Variants in SNPH observed in about 807,000 individuals in gnomAD.
SNPH encodes syntaphilin.
A neutral mutation model predicts 36.8 loss-of-function variants in SNPH; 10 were observed. That is an observed-to-expected ratio of 0.27 (90% CI 0.17 to 0.46). The LOEUF is 0.46. Among genes scored for constraint, SNPH ranks in the 20% least tolerant of loss-of-function variants. SNPH has a pLI of 1.00. For synonymous variants in SNPH, 281 were observed against 312.2 expected (o/e 0.90, Z 1.05); for missense variants, 622 against 744.0 (o/e 0.84, Z 1.91).
At chr20:1,290,901 A>G (rs1323134) in intron 2 of SNPH, among the ~76,000 whole-genome samples, 123,777 of 152,214 alleles carry the variant, frequency 0.81, 50,903 homozygotes, top group African/African-American at 0.87. Flanking sequence ...TGAATGTGAA[A>G]CAATATCTCA....
At chr20:1,300,831 GCT>G (rs1600263780) in intron 6 of SNPH, 120 bp downstream of exon 6, 1 of 1,004,722 alleles carries the variant, frequency 1.0e-6, no homozygotes, top group East Asian at 2.7e-5. Context: ...GCATCCGTCT[GCT>G]CTCTCCTTCC....
At chr20:1,300,995 C>T (rs1335356021) in intron 6 of SNPH, among the ~76,000 whole-genome samples, 2 of 152,260 alleles carry the variant, frequency 1.3e-5, no homozygotes, top group Non-Finnish European at 2.9e-5. Flanking sequence ...CCTTTCCCAG[C>T]TTCAGCCTGG....
chr20:1,300,884 C>T lies in SNPH; in HGVS notation c.440+173C>T, dbSNP rs193033625. Among the ~76,000 whole-genome samples, 138 of 152,326 alleles carry T rather than the reference C, an allele frequency of 9.1e-4. 2 individuals are homozygous for T. The highest frequency in any genetic ancestry group is 3.2e-3 in the African/African-American group (133 of 41,578). On this transcript the variant is annotated intron_variant, in intron 6 of 6. Coordinates refer to ENST00000381867, the MANE Select transcript of SNPH (RefSeq NM_001318234.2). ...TGAGCCCACTTGCAGACCCTCATCCCCAGCAGCTACTCACCTTGACTGCTC... is the reference window on the plus strand; with the variant it reads ...TGAGCCCACTTGCAGACCCTCATCCTCAGCAGCTACTCACCTTGACTGCTC...
chr20:1,275,828 G>A (rs1015212208), intron 2 of SNPH, among the ~76,000 whole-genome samples: 6 of 152,284 alleles, frequency 3.9e-5, no homozygotes, highest in Non-Finnish European at 7.4e-5. Flanking sequence ...ACCCTTGGAC[G>A]TGTTCTACCC....
At chr20:1,267,702 A>G (rs747577580) in intron 2 of SNPH, among the ~76,000 whole-genome samples, 20 of 152,174 alleles carry the variant, frequency 1.3e-4, no homozygotes, top group Non-Finnish European at 2.6e-4. Flanking sequence ...CTGCTAAGGC[A>G]ATTTAAATTT....
chr20:1,289,498 A>G (rs1005556035), intron 2 of SNPH, among the ~76,000 whole-genome samples: 1 of 145,838 alleles, frequency 6.9e-6, no homozygotes, highest in East Asian at 2.1e-4. Context: ...TATTAATGCA[A>G]CGGTTCATTT....
intron 2 of SNPH, among the ~76,000 whole-genome samples, chr20:1,280,896 C>T (rs1446747835): frequency 1.3e-5 from 2 of 152,216 alleles, no homozygotes; most frequent in African/African-American, 2.4e-5. Flanking sequence ...GATGCCCATT[C>T]CTCTTTTAGC....
intron 2 of SNPH, among the ~76,000 whole-genome samples, chr20:1,277,716 GTCTGTGTGTGTA>G (rs2088156270): frequency 6.8e-6 from 1 of 147,334 alleles, no homozygotes; most frequent in Non-Finnish European, 1.5e-5. Context: ...GTGCCTGTGT[GTCTGTGTGTGTA>G]TCTGTGTGTG....
At chr20:1,278,213 T>C (rs1568540391) in intron 2 of SNPH, among the ~76,000 whole-genome samples, 2 of 151,882 alleles carry the variant, frequency 1.3e-5, no homozygotes, top group African/African-American at 4.8e-5. Flanking sequence ...TGTCTGTGTG[T>C]GTGTTTGTGT....
chr20:1,291,605 C>T (rs908614113), intron 2 of SNPH, among the ~76,000 whole-genome samples: 5 of 151,674 alleles, frequency 3.3e-5, no homozygotes, highest in Admixed American at 6.6e-5. Context: ...GAATGTTCTG[C>T]GTTCTAGTGT....
chr20:1,278,250 G>A (rs930102578), intron 2 of SNPH, among the ~76,000 whole-genome samples: 2 of 151,998 alleles, frequency 1.3e-5, no homozygotes, highest in East Asian at 1.9e-4. Flanking sequence ...GTGTATCTGT[G>A]TATGTGTGTC....
chr20:1,303,369 A>G (rs1334234580), intron 6 of SNPH, among the ~76,000 whole-genome samples: 1 of 152,198 alleles, frequency 6.6e-6, no homozygotes, highest in Non-Finnish European at 1.5e-5. Context: ...GCTGGGCCCC[A>G]AGGAGAGAGA....
At position 1,276,248 on chromosome 20, in the gene SNPH, G is replaced by A. The variant is rs185780023; in HGVS notation, c.-493+9488G>A. Among the ~76,000 whole-genome samples the A allele has an allele frequency of 6.6e-5, 10 of 152,312 alleles. No individual in the cohort carries two copies. The East Asian group carries it at 9.7e-4, about 15-fold the overall frequency. On this transcript the variant is annotated intron_variant, in intron 2 of 6. Transcript: ENST00000381867. The surrounding 1 kb of genome is among the most constrained non-coding windows in gnomAD (Gnocchi z 4.6). ...GAGGGGGGCTCCTCACTCTGGGGCCGTGTGTTTGAGAGAGAAGCCCTCAGA... is the reference window on the plus strand; with the variant it reads ...GAGGGGGGCTCCTCACTCTGGGGCCATGTGTTTGAGAGAGAAGCCCTCAGA...
chr20:1,296,232 G>C lies in SNPH; in HGVS notation c.-8G>C, dbSNP rs367658252. The C allele has an allele frequency of 0.011, 17,165 of 1,512,348 alleles. 148 individuals are homozygous for C. The highest frequency in any genetic ancestry group is 0.012 in the Non-Finnish European group (14,115 of 1,132,448). The allele number at this position is 1,512,348 out of a possible 1,614,324, so 93.7% of individuals were successfully genotyped here. A position where few individuals can be genotyped will look rare whatever the true frequency, so the allele number is the denominator to read the frequency against. On this transcript the variant is annotated 5_prime_UTR_variant, in exon 4 of 7. Transcript: ENST00000381867. The stretch of plus-strand genomic sequence containing the variant: ...GGGGTGTCCTGCCGAAGGGTGAGAA[G>C]AGAAGCCATGCCGGGCAGCGGCCCC...
At chr20:1,273,790 A>T (rs2088099303) in intron 2 of SNPH, among the ~76,000 whole-genome samples, 1 of 152,138 alleles carries the variant, frequency 6.6e-6, no homozygotes, top group Non-Finnish European at 1.5e-5. Flanking sequence ...TGGGACGGAG[A>T]AAAAAAGAAG....
At chr20:1,291,948 T>C (rs2088367478) in intron 2 of SNPH, among the ~76,000 whole-genome samples, 2 of 152,198 alleles carry the variant, frequency 1.3e-5, no homozygotes, top group Admixed American at 6.5e-5. Context: ...AAAGTCCTAG[T>C]AATGAAGGAG....
intron 2 of SNPH, among the ~76,000 whole-genome samples, chr20:1,277,155 C>T (rs891995180): frequency 6.6e-6 from 1 of 152,160 alleles, no homozygotes; most frequent in Non-Finnish European, 1.5e-5. Context: ...GGCTATACCA[C>T]GGCTGCTAGA....
Position 1,300,618 on chromosome 20 carries a change from C to T in SNPH, c.347C>T (p.Pro116Leu), listed in dbSNP as rs753640238. ...AACCATGGCATCAAGCCCCCGACCC[C>T]GGAGCAGTACCTGACCCCCCTGCAG... ...SDNHGIKPPT[P>L]EQYLTPLQQK... The change falls in exon 6 of 7, where the codon CCG becomes CTG. Residue 116 changes from proline (P) to leucine (L), a missense_variant. This residue lies in a region of SNPH where 187 missense variants were observed against 209.4 expected (regional missense o/e 0.89). Transcript: ENST00000381867. 2 of 1,613,758 alleles carry T rather than the reference C, an allele frequency of 1.2e-6. No homozygotes were observed. Among genetic ancestry groups the T allele is most frequent in the Non-Finnish European group, 1.7e-6 (2 of 1,179,996 alleles).
intron 2 of SNPH, among the ~76,000 whole-genome samples, chr20:1,268,694 G>T (rs781690495): frequency 1.3e-5 from 2 of 151,286 alleles, no homozygotes; most frequent in East Asian, 3.9e-4. Flanking sequence ...CCATGAGTAG[G>T]CCCAAAGTAG....
Sources: allele counts gnomAD v4.1 joint callset (sites outside exome capture counted in the v4.1 genomes callset), GRCh38; gene constraint gnomAD v4.1.1; regional missense constraint gnomAD v4.1.1; non-coding constraint Gnocchi (gnomAD v3.1); transcripts MANE v1.5; gene names NCBI Gene and HGNC (gene_info 2026-07-23, HGNC 2026-07-21).